Variants in MTUS2 observed in about 807,000 individuals in gnomAD.
MTUS2 encodes microtubule-associated tumor suppressor candidate 2.
In MTUS2, 40 loss-of-function variants were observed where a neutral mutation model predicts 114.1. The ratio of observed to expected loss-of-function variants is 0.35; its 90% CI spans 0.27 to 0.46. MTUS2 has a LOEUF of 0.46. MTUS2 is among the 20% of genes least tolerant of loss of function. The pLI is 1.00. For missense variants in MTUS2, 1,679 were observed against 1,705.4 expected, an observed-to-expected ratio of 0.98 and a Z score of 0.27; for synonymous variants, 688 against 672.0, an observed-to-expected ratio of 1.02 and a Z score of -0.37.
intron 8 of MTUS2, among the ~76,000 whole-genome samples, chr13:29,389,499 A>ATACACGTGTGTGTATG (rs1410038356): frequency 4.5e-5 from 5 of 111,616 alleles, no homozygotes; most frequent in Admixed American, 9.4e-5. Flanking sequence ...ATGTGTATAT[A>ATACACGTGTGTGTATG]TGTATACACG....
intron 3 of MTUS2, among the ~76,000 whole-genome samples, chr13:29,028,269 C>T (rs967467575): frequency 2.0e-5 from 3 of 152,078 alleles, no homozygotes; most frequent in Non-Finnish European, 4.4e-5. Context: ...GAGAATTGCT[C>T]GAACCCAGGA....
intron 4 of MTUS2, among the ~76,000 whole-genome samples, chr13:29,087,334 G>C (rs1207018571): frequency 6.6e-6 from 1 of 152,156 alleles, no homozygotes; most frequent in Non-Finnish European, 1.5e-5. Flanking sequence ...TTTATTGAAA[G>C]CTTTTGCTGT....
chr13:28,837,051 G>A (rs1875134515), intron 1 of MTUS2, among the ~76,000 whole-genome samples: 1 of 152,134 alleles, frequency 6.6e-6, no homozygotes, highest in Non-Finnish European at 1.5e-5. Context: ...ACTAGTATGT[G>A]AAGCATACCT....
intron 5 of MTUS2, among the ~76,000 whole-genome samples, chr13:29,188,746 T>C (rs73447246): frequency 0.025 from 3,731 of 152,198 alleles, 153 homozygotes; most frequent in African/African-American, 0.085. Context: ...CAGTCCCTTC[T>C]TTCCCAGGAG....
intron 8 of MTUS2, among the ~76,000 whole-genome samples, chr13:29,401,111 C>G (rs954981108): frequency 6.6e-6 from 1 of 152,168 alleles, no homozygotes; most frequent in Non-Finnish European, 1.5e-5. Context: ...CCTCATCCTC[C>G]TGAATACCTG....
chr13:29,409,557 G>A (rs796786794), intron 8 of MTUS2, among the ~76,000 whole-genome samples: 4 of 152,268 alleles, frequency 2.6e-5, no homozygotes, highest in African/African-American at 9.6e-5. Flanking sequence ...TGATGAGTAT[G>A]TGACACATTG....
chr13:29,457,107 T>TGCACTCCAGCCTGGGCGACAGC (rs1446886343), intron 9 of MTUS2, among the ~76,000 whole-genome samples: 1 of 149,712 alleles, frequency 6.7e-6, no homozygotes, highest in Non-Finnish European at 1.5e-5. Flanking sequence ...ATCGCGACAC[T>TGCACTCCAGCCTGGGCGACAGC]GCACTCCAGC....
chr13:29,417,255 T>C (rs913055932), intron 8 of MTUS2, among the ~76,000 whole-genome samples: 1 of 152,092 alleles, frequency 6.6e-6, no homozygotes, highest in Admixed American at 6.5e-5. Context: ...TCATGCAAAC[T>C]CCTTACCATG....
At chr13:28,877,993 C>T (rs1878047014) in intron 2 of MTUS2, among the ~76,000 whole-genome samples, 1 of 152,170 alleles carries the variant, frequency 6.6e-6, no homozygotes, top group South Asian at 2.1e-4. Context: ...CTCCTGAGTT[C>T]AGGGCATGGG....
chr13:28,871,897 C>T (rs73454653), intron 2 of MTUS2, among the ~76,000 whole-genome samples: 1,532 of 152,012 alleles, frequency 0.01, 28 homozygotes, highest in African/African-American at 0.035. Context: ...TGCAAAGGCC[C>T]GGTGGAGGGA....
At chr13:29,469,322 C>T (rs1283272254) in intron 9 of MTUS2, among the ~76,000 whole-genome samples, 2 of 152,128 alleles carry the variant, frequency 1.3e-5, no homozygotes, top group Non-Finnish European at 2.9e-5. Context: ...ATTCAGCGTA[C>T]AGTAAATTCT....
rs568079085 is a variant in MTUS2 at position 29,347,426 on chromosome 13, G to T, written c.2906-11836G>T. On this transcript the variant is annotated intron_variant, in intron 7 of 15. Transcript: ENST00000612955. ...TTCTTCTTTGGTCCATGGTTATTTG[G>T]AAGTGTATGTTTAGTTTGCACATAT... is the stretch of plus-strand genomic sequence containing the variant. Among the ~76,000 whole-genome samples the T allele has an allele frequency of 7.9e-5, 4 of 50,500 alleles. No homozygotes were observed. In the East Asian group the frequency reaches 4.3e-3, roughly 54 times the overall value. 33.1% of individuals were successfully genotyped at this position (50,500 alleles called of 152,430 possible).
intron 5 of MTUS2, among the ~76,000 whole-genome samples, chr13:29,197,769 G>T (rs1321722802): frequency 6.6e-6 from 1 of 152,102 alleles, no homozygotes. Flanking sequence ...GCGTGAGATG[G>T]TATCTCATTG....
intron 6 of MTUS2, among the ~76,000 whole-genome samples, chr13:29,297,904 C>T (rs1005356940): frequency 6.6e-6 from 1 of 152,036 alleles, no homozygotes; most frequent in Non-Finnish European, 1.5e-5. Flanking sequence ...ACATGCTATT[C>T]AGTGCTGTGT....
At chr13:29,202,438 C>T (rs753706278) in intron 5 of MTUS2, among the ~76,000 whole-genome samples, 1 of 152,002 alleles carries the variant, frequency 6.6e-6, no homozygotes, top group Non-Finnish European at 1.5e-5. Context: ...GCTTCCTTGC[C>T]TTGGATTACA....
At chr13:28,897,602 T>C (rs6490335) in intron 2 of MTUS2, among the ~76,000 whole-genome samples, 151,628 of 151,732 alleles carry the variant, frequency 1, 75,762 homozygotes, top group Non-Finnish European at 1. Context: ...CACACACACA[T>C]GTATGTTTAC....
At chr13:29,219,642 G>A (rs1462139149) in intron 5 of MTUS2, among the ~76,000 whole-genome samples, 3 of 152,202 alleles carry the variant, frequency 2.0e-5, no homozygotes, top group African/African-American at 7.2e-5. Context: ...TCTAATAGAA[G>A]ACTGTTTCAT....
At chr13:29,494,560 A>T (rs1351561066) in intron 12 of MTUS2, among the ~76,000 whole-genome samples, 1 of 151,324 alleles carries the variant, frequency 6.6e-6, no homozygotes, top group African/African-American at 2.4e-5. Flanking sequence ...TGTAGGAGCC[A>T]TGGAGGGAGA....
intron 1 of MTUS2, among the ~76,000 whole-genome samples, chr13:28,834,312 C>T (rs778160311): frequency 1.6e-4 from 24 of 152,126 alleles, no homozygotes; most frequent in Non-Finnish European, 3.1e-4. Flanking sequence ...CAGCATGGTG[C>T]AGGCAAATTA....
Sources: gnomAD v4.1 joint callset for allele counts (sites outside exome capture counted in the v4.1 genomes callset) on GRCh38, gnomAD v4.1.1 for gene constraint, MANE v1.5 for transcripts, NCBI Gene and HGNC (gene_info 2026-07-23, HGNC 2026-07-21) for gene names.